KCNK13: variants seen among roughly 807,000 people sequenced by gnomAD.
The protein encoded by KCNK13 is potassium channel subfamily K member 13.
A neutral mutation model predicts 23.4 loss-of-function variants in KCNK13; 12 were observed. That is an observed-to-expected ratio of 0.51 (90% CI 0.33 to 0.83). The LOEUF (loss-of-function observed/expected upper bound fraction) is 0.83. Ranked by LOEUF, KCNK13 falls within the 40% of genes least tolerant of loss-of-function variation. KCNK13 has a pLI of 0.02. For synonymous variants in KCNK13, 231 were observed against 229.5 expected (o/e 1.01, Z -0.06); for missense variants, 463 against 556.3 (o/e 0.83, Z 1.69).
chr14:90,111,034 A>C (rs987942652), intron 1 of KCNK13, among the ~76,000 whole-genome samples: 2 of 151,622 alleles, frequency 1.3e-5, no homozygotes, highest in Non-Finnish European at 2.9e-5. Context: ...AAATCCCTGA[A>C]TCTCTGAGTC....
At chr14:90,178,805 G>A (rs1478358859) in intron 1 of KCNK13, among the ~76,000 whole-genome samples, 4 of 151,856 alleles carry the variant, frequency 2.6e-5, no homozygotes, top group Non-Finnish European at 5.9e-5. Context: ...GAACACTCTT[G>A]AAATACACAA....
Position 90,109,302 on chromosome 14 carries a change from GA to G in KCNK13, c.334+46771del, listed in dbSNP as rs200825698. Among the ~76,000 whole-genome samples the G allele has an allele frequency of 6.1e-3, 917 of 150,252 alleles. 11 individuals carry two copies. The highest frequency in any genetic ancestry group is 0.021 in the African/African-American group (869 of 41,006). On this transcript the variant is annotated intron_variant, in intron 1 of 1. Coordinates refer to ENST00000282146, the MANE Select transcript of KCNK13 (RefSeq NM_022054.4). ...TTCTAATAAAAAAATACCTATAGATGAAAAAAAAGAATTAGGTTCTAGGCTC... is the reference window on the plus strand; with the variant it reads ...TTCTAATAAAAAAATACCTATAGATGAAAAAAAGAATTAGGTTCTAGGCTC...
intron 1 of KCNK13, among the ~76,000 whole-genome samples, chr14:90,081,422 G>A (rs1020534959): frequency 1.3e-5 from 2 of 152,178 alleles, no homozygotes; most frequent in Non-Finnish European, 2.9e-5. Context: ...CCAAGAGTTG[G>A]ATGTGGATCT....
intron 1 of KCNK13, among the ~76,000 whole-genome samples, chr14:90,135,751 G>A (rs1449479042): frequency 6.6e-6 from 1 of 152,022 alleles, no homozygotes; most frequent in Non-Finnish European, 1.5e-5. Context: ...ACTCTTTTTT[G>A]TTCTGTGTTT....
At chr14:90,092,297 A>G (rs1379889154) in intron 1 of KCNK13, among the ~76,000 whole-genome samples, 1 of 151,966 alleles carries the variant, frequency 6.6e-6, no homozygotes, top group Non-Finnish European at 1.5e-5. Flanking sequence ...TCTGTGAACA[A>G]CTCCATGTTG....
chr14:90,178,231 C>CAAAAAAAAAA (rs34726346), intron 1 of KCNK13, among the ~76,000 whole-genome samples: 9 of 75,066 alleles, frequency 1.2e-4, no homozygotes, highest in Non-Finnish European at 1.5e-4. Context: ...TTCCTAAAAG[C>CAAAAAAAAAA]AAAAAAAAAA....
chr14:90,141,788 G>GC (rs1555351984), intron 1 of KCNK13, among the ~76,000 whole-genome samples: 4 of 15,970 alleles, frequency 2.5e-4, no homozygotes, highest in Non-Finnish European at 6.8e-4. Context: ...GTTTTGTTTT[G>GC]TTTTTTGGGG....
chr14:90,074,225 C>T (rs1889110299), intron 1 of KCNK13, among the ~76,000 whole-genome samples: 1 of 152,232 alleles, frequency 6.6e-6, no homozygotes, highest in African/African-American at 2.4e-5. Context: ...GCCTTGGCCT[C>T]CCAAGGTGCT....
rs558423697 is a variant in KCNK13, at chr14:90,159,185, C to T, written c.335-24926C>T. On this transcript the variant is annotated intron_variant, in intron 1 of 1. Transcript: ENST00000282146. Reference sequence around the variant, plus strand: ...TCACAACCTCAGGCCCTTTTATAGTCGGCATTAATCCACTGAGAGTGGAGT... The same window carrying T: ...TCACAACCTCAGGCCCTTTTATAGTTGGCATTAATCCACTGAGAGTGGAGT... Among the ~76,000 whole-genome samples the T allele has an allele frequency of 4.5e-4, 69 of 152,286 alleles. 1 individual carries two copies. Among genetic ancestry groups the T allele is most frequent in the South Asian group, 3.7e-3 (18 of 4,824 alleles).
In KCNK13 at chr14:90,184,485, A is replaced by T; in HGVS notation, c.709A>T (p.Thr237Ser). 6.2e-7 allele frequency: 1 copy of T among 1,614,262 alleles called. No individual in the cohort carries two copies. The highest frequency in any genetic ancestry group is 8.5e-7 in the Non-Finnish European group (1 of 1,180,048). ...SLYFCFVAFSTIGFGDLVSSQ... is the reference protein window; with the variant it reads ...SLYFCFVAFSSIGFGDLVSSQ... ...CTACTTCTGTTTTGTGGCTTTCAGCACCATTGGCTTTGGGGACCTGGTCAG... is the reference window on the plus strand; with the variant it reads ...CTACTTCTGTTTTGTGGCTTTCAGCTCCATTGGCTTTGGGGACCTGGTCAG... The change falls in exon 2 of 2, where the codon ACC (threonine) becomes TCC (serine). Residue 237 changes from threonine (T) to serine (S), a missense_variant. Thr to Ser is a moderately conservative substitution (Grantham distance 58). Transcript: ENST00000282146. The surrounding 1 kb of genome is among the most constrained non-coding windows in gnomAD (Gnocchi z 5.6).
At chr14:90,171,513 C>A (rs775402881) in intron 1 of KCNK13, among the ~76,000 whole-genome samples, 1 of 152,210 alleles carries the variant, frequency 6.6e-6, no homozygotes, top group East Asian at 1.9e-4. Context: ...GTTGAAGACA[C>A]GTGCCTGTGA....
intron 1 of KCNK13, among the ~76,000 whole-genome samples, chr14:90,173,819 G>C (rs542022473): frequency 7.9e-4 from 121 of 152,302 alleles, no homozygotes; most frequent in African/African-American, 2.9e-3. Context: ...TAGTGTATTA[G>C]TCCGTTTTCA....
At position 90,151,264 on chromosome 14, in the gene KCNK13, A is replaced by T. The variant is rs2210646; in HGVS notation, c.335-32847A>T. 8.7e-3 allele frequency among the ~76,000 whole-genome samples: 1,321 copies of T among 152,340 alleles called. 31 individuals carry two copies. The highest frequency in any genetic ancestry group is 0.03 in the African/African-American group (1,258 of 41,562). ...ATTTTATTTTTTCACATTCCCACCA[A>T]CAGTGTACAAGAGTTGTCTTTTACC... is the stretch of plus-strand genomic sequence containing the variant. On this transcript the variant is annotated intron_variant, in intron 1 of 1. Transcript: ENST00000282146.
intron 1 of KCNK13, among the ~76,000 whole-genome samples, chr14:90,154,785 A>G (rs1243655769): frequency 2.6e-5 from 4 of 151,914 alleles, no homozygotes; most frequent in African/African-American, 9.7e-5. Context: ...TGCTTACCCT[A>G]TTAATTTTAT....
intron 1 of KCNK13, among the ~76,000 whole-genome samples, chr14:90,126,154 T>C (rs1450976613): frequency 2.6e-5 from 4 of 152,096 alleles, no homozygotes; most frequent in African/African-American, 9.7e-5. Flanking sequence ...AGTAAATGAT[T>C]CAATAAATAA....
chr14:90,115,201 T>G (rs1889661925), intron 1 of KCNK13, among the ~76,000 whole-genome samples: 1 of 151,380 alleles, frequency 6.6e-6, no homozygotes, highest in South Asian at 2.1e-4. Flanking sequence ...TTGGTTGGTT[T>G]GTTTATAACA....
chr14:90,144,066 G>T (rs78134906), intron 1 of KCNK13, among the ~76,000 whole-genome samples: 1 of 152,166 alleles, frequency 6.6e-6, no homozygotes, highest in African/African-American at 2.4e-5. Context: ...GTATTTCCAT[G>T]TGCATTTTAT....
At chr14:90,144,349 C>T (rs375450148) in intron 1 of KCNK13, among the ~76,000 whole-genome samples, 340 of 150,730 alleles carry the variant, frequency 2.3e-3, no homozygotes, top group African/African-American at 7.8e-3. Flanking sequence ...TATTGTCCAT[C>T]GCTAATAGAT....
At chr14:90,176,651 A>G (rs1170079775) in intron 1 of KCNK13, among the ~76,000 whole-genome samples, 1 of 152,228 alleles carries the variant, frequency 6.6e-6, no homozygotes, top group East Asian at 1.9e-4. Flanking sequence ...ATCAAGAGGT[A>G]TGCTGCAGGT....
Sources: allele counts gnomAD v4.1 joint callset (sites outside exome capture counted in the v4.1 genomes callset), GRCh38; gene constraint gnomAD v4.1.1; non-coding constraint Gnocchi (gnomAD v3.1); transcripts MANE v1.5; gene names NCBI Gene and HGNC (gene_info 2026-07-23, HGNC 2026-07-21).